Variants in PPFIA2 observed in about 807,000 individuals in gnomAD.
PPFIA2 encodes liprin-alpha-2.
A neutral mutation model predicts 175.5 loss-of-function variants in PPFIA2; 46 were observed. The observed-to-expected ratio is 0.26, with a 90% confidence interval of 0.21 to 0.34. The LOEUF (loss-of-function observed/expected upper bound fraction) is 0.34, where lower values mean the gene tolerates loss of function less well. Among genes scored for constraint, PPFIA2 ranks in the 10% least tolerant of loss-of-function variants. The pLI, the probability that PPFIA2 is intolerant of heterozygous loss-of-function variation, is 1.00. For missense variants in PPFIA2, 1,179 were observed against 1,506.1 expected, an observed-to-expected ratio of 0.78 and a Z score of 3.60; for synonymous variants, 568 against 511.4, an observed-to-expected ratio of 1.11 and a Z score of -1.49.
At chr12:81,278,641 G>A (rs2041239215) in intron 27 of PPFIA2, among the ~76,000 whole-genome samples, 1 of 152,092 alleles carries the variant, frequency 6.6e-6, no homozygotes, top group African/African-American at 2.4e-5. Flanking sequence ...ATCAATTCAG[G>A]GTTCAGTTCT....
chr12:81,545,360 G>C (rs11114909), intron 4 of PPFIA2: 38,970 of 151,970 alleles, frequency 0.26, 5,147 homozygotes, highest in Middle Eastern at 0.34. Context: ...TGAGGCAGTT[G>C]TTGTTCTCGG....
chr12:81,452,573 G>C (rs12298195), intron 5 of PPFIA2, among the ~76,000 whole-genome samples: 2 of 152,276 alleles, frequency 1.3e-5, no homozygotes, highest in African/African-American at 4.8e-5. Context: ...TCCTATCATA[G>C]AACTTTCATA....
intron 4 of PPFIA2, among the ~76,000 whole-genome samples, chr12:81,523,913 T>A (rs1002984861): frequency 6.6e-6 from 1 of 152,170 alleles, no homozygotes; most frequent in South Asian, 2.1e-4. Context: ...AATGAAAAAT[T>A]CTTAGAACAA....
intron 21 of PPFIA2, among the ~76,000 whole-genome samples, chr12:81,333,143 G>A (rs191259512): frequency 1.6e-3 from 247 of 152,162 alleles, no homozygotes; most frequent in Non-Finnish European, 2.4e-3. Flanking sequence ...GCTTTTGCTC[G>A]GCAATTTCCA....
chr12:81,592,808 T>A (rs2058820132), intron 4 of PPFIA2, among the ~76,000 whole-genome samples: 2 of 139,538 alleles, frequency 1.4e-5, no homozygotes, highest in Non-Finnish European at 3.1e-5. Context: ...CAGGTTGGAA[T>A]TCACTGGTGC....
intron 4 of PPFIA2, among the ~76,000 whole-genome samples, chr12:81,465,886 A>G (rs2055521962): frequency 6.6e-6 from 1 of 152,216 alleles, no homozygotes; most frequent in African/African-American, 2.4e-5. Flanking sequence ...AGAAAGGCAT[A>G]TAGAAATTAA....
intron 4 of PPFIA2, among the ~76,000 whole-genome samples, chr12:81,636,916 G>A (rs569351186): frequency 6.6e-6 from 1 of 151,992 alleles, no homozygotes; most frequent in East Asian, 1.9e-4. Context: ...GCCTCCCAAA[G>A]TGCTGGGTAG....
intron 8 of PPFIA2, among the ~76,000 whole-genome samples, chr12:81,390,448 A>G (rs1346823876): frequency 6.6e-6 from 1 of 151,986 alleles, no homozygotes; most frequent in African/African-American, 2.4e-5. Context: ...ATTATTGTCT[A>G]TCTTTTTATT....
At chr12:81,631,351 A>G (rs961751235) in intron 4 of PPFIA2, among the ~76,000 whole-genome samples, 1 of 152,174 alleles carries the variant, frequency 6.6e-6, no homozygotes, top group Non-Finnish European at 1.5e-5. Context: ...TGATGAAAAA[A>G]AATACTGCTC....
chr12:81,717,470 T>C (rs537742454), intron 3 of PPFIA2, among the ~76,000 whole-genome samples: 21 of 151,638 alleles, frequency 1.4e-4, no homozygotes, highest in Admixed American at 2.0e-4. Context: ...TTTAATTGAA[T>C]TGTAAGATGC....
At chr12:81,467,251 C>T (rs1325425774) in intron 4 of PPFIA2, among the ~76,000 whole-genome samples, 5 of 152,058 alleles carry the variant, frequency 3.3e-5, no homozygotes, top group Non-Finnish European at 7.3e-5. Flanking sequence ...TCCTGTGTTC[C>T]TGCAGTAATT....
chr12:81,565,314 G>A (rs1037839925), intron 4 of PPFIA2, among the ~76,000 whole-genome samples: 2 of 152,088 alleles, frequency 1.3e-5, no homozygotes, highest in Non-Finnish European at 2.9e-5. Context: ...TAACTAGACT[G>A]GCCTAGCCTC....
chr12:81,544,782 T>C (rs1033841163), intron 4 of PPFIA2, among the ~76,000 whole-genome samples: 1 of 152,150 alleles, frequency 6.6e-6, no homozygotes, highest in Non-Finnish European at 1.5e-5. Flanking sequence ...TCTAGATGCT[T>C]ATTTTCTATC....
At chr12:81,379,686 C>T (rs970769402) in intron 9 of PPFIA2, among the ~76,000 whole-genome samples, 4 of 152,100 alleles carry the variant, frequency 2.6e-5, no homozygotes, top group African/African-American at 4.8e-5. Context: ...ATCCAACTCA[C>T]GTATTCTTCC....
intron 4 of PPFIA2, among the ~76,000 whole-genome samples, chr12:81,514,770 T>C (rs760461486): frequency 1.1e-4 from 16 of 151,956 alleles, no homozygotes; most frequent in Non-Finnish European, 1.6e-4. Context: ...TACTAAATTA[T>C]CCTGCATGGG....
chr12:81,295,000 G>A lies in PPFIA2; in HGVS notation c.2760C>T (p.Ala920=). 6.2e-7 allele frequency: 1 copy of A among 1,613,708 alleles called. No homozygotes were observed. The highest frequency in any genetic ancestry group is 8.5e-7 in the Non-Finnish European group (1 of 1,179,760). Residue 920 remains alanine, a synonymous_variant, in exon 24 of 33, where the codon GCC becomes GCT. Coordinates refer to ENST00000549396, the MANE Select transcript of PPFIA2 (RefSeq NM_003625.5). The part of the protein sequence containing the change: ...WLGMPAWYVA[A]CRANVKSGAI... Reference sequence around the variant, plus strand: ...CACCACTCTTCACGTTGGCTCGGCAGGCTGCCACGTACCACGCAGGCATTC... The same window carrying A: ...CACCACTCTTCACGTTGGCTCGGCAAGCTGCCACGTACCACGCAGGCATTC...
intron 8 of PPFIA2, among the ~76,000 whole-genome samples, chr12:81,391,488 A>G (rs566652702): frequency 6.6e-6 from 1 of 152,096 alleles, no homozygotes; most frequent in South Asian, 2.1e-4. Flanking sequence ...ACAAGGAGCC[A>G]TCAAAGTTGT....
intron 4 of PPFIA2, among the ~76,000 whole-genome samples, chr12:81,527,946 A>C (rs1344784638): frequency 1.3e-5 from 2 of 152,084 alleles, no homozygotes; most frequent in Non-Finnish European, 2.9e-5. Context: ...GAATTGTGAG[A>C]AATAAACTTC....
chr12:81,459,240 T>A (rs946556479), intron 4 of PPFIA2, among the ~76,000 whole-genome samples: 1 of 152,128 alleles, frequency 6.6e-6, no homozygotes, highest in Non-Finnish European at 1.5e-5. Context: ...TCTGAGCATA[T>A]TATTTAGGTG....
Sources: allele counts gnomAD v4.1 joint callset (sites outside exome capture counted in the v4.1 genomes callset), GRCh38; gene constraint gnomAD v4.1.1; transcripts MANE v1.5; gene names NCBI Gene and HGNC (gene_info 2026-07-23, HGNC 2026-07-21).